Variants in CNTNAP2 observed in about 807,000 individuals in gnomAD.
The protein encoded by CNTNAP2 is contactin-associated protein-like 2.
Under a neutral mutation model 155.2 loss-of-function variants are expected in CNTNAP2, and 98 were observed. The observed-to-expected ratio is 0.63, with a 90% confidence interval of 0.54 to 0.75. The LOEUF (loss-of-function observed/expected upper bound fraction) is 0.75, where lower values mean the gene tolerates loss of function less well. Ranked by LOEUF, CNTNAP2 falls within the 30% of genes least tolerant of loss-of-function variation. The pLI, the probability that CNTNAP2 is intolerant of heterozygous loss-of-function variation, is 0.00. For synonymous variants in CNTNAP2, 651 were observed against 631.2 expected (o/e 1.03, Z -0.47); for missense variants, 1,727 against 1,688.1 (o/e 1.02, Z -0.40).
intron 13 of CNTNAP2, among the ~76,000 whole-genome samples, chr7:147,743,594 A>G (rs1796990123): frequency 6.6e-6 from 1 of 151,996 alleles, no homozygotes; most frequent in South Asian, 2.1e-4. Context: ...CGCTCTGGTA[A>G]TTGCGTTTCT....
chr7:146,733,552 C>T (rs1801562942), intron 1 of CNTNAP2, among the ~76,000 whole-genome samples: 1 of 152,010 alleles, frequency 6.6e-6, no homozygotes, highest in African/African-American at 2.4e-5. Flanking sequence ...TGAACTAGTA[C>T]AGTCTCATAT....
intron 11 of CNTNAP2, among the ~76,000 whole-genome samples, chr7:147,533,590 A>C (rs1346680940): frequency 6.6e-6 from 1 of 151,592 alleles, no homozygotes; most frequent in Non-Finnish European, 1.5e-5. Context: ...TAAAAAAATA[A>C]GCTTTATTTA....
chr7:148,344,548 C>T (rs1275066131), intron 21 of CNTNAP2, among the ~76,000 whole-genome samples: 1 of 152,170 alleles, frequency 6.6e-6, no homozygotes, highest in Non-Finnish European at 1.5e-5. Context: ...GTTGCCTGCT[C>T]TCTGCCCCCT....
chr7:146,346,111 G>A (rs1427117003), intron 1 of CNTNAP2, among the ~76,000 whole-genome samples: 3 of 152,146 alleles, frequency 2.0e-5, no homozygotes, highest in South Asian at 2.1e-4. Flanking sequence ...TAGTAAAAAC[G>A]ATAAAGAACA....
chr7:146,434,552 C>T (rs7782055), intron 1 of CNTNAP2, among the ~76,000 whole-genome samples: 5,194 of 152,150 alleles, frequency 0.034, 280 homozygotes, highest in African/African-American at 0.12. Flanking sequence ...AGTTTGCAGG[C>T]ATGATACGCT....
At chr7:147,700,416 C>G (rs1041208549) in intron 13 of CNTNAP2, among the ~76,000 whole-genome samples, 1 of 152,142 alleles carries the variant, frequency 6.6e-6, no homozygotes, top group Non-Finnish European at 1.5e-5. Flanking sequence ...CAGTCCATTC[C>G]CCTCATGATT....
At chr7:147,215,996 G>T (rs1041002002) in intron 8 of CNTNAP2, among the ~76,000 whole-genome samples, 2 of 152,038 alleles carry the variant, frequency 1.3e-5, no homozygotes, top group African/African-American at 4.8e-5. Flanking sequence ...TTTTTGAGAT[G>T]TCTGTTAAGG....
In CNTNAP2 at chr7:147,984,800, A is replaced by T. The variant is rs535397568; in HGVS notation, c.2383+6811A>T. 2.6e-5 allele frequency among the ~76,000 whole-genome samples: 4 copies of T among 152,134 alleles called. No homozygotes were observed. In the East Asian group the frequency reaches 7.8e-4, roughly 30 times the overall value. ...GTTTTGGGAGCAGGGGAGGAGAGGA[A>T]CTTCACTTTCACTGTCAAAAGGACT... On this transcript the variant is annotated intron_variant, in intron 15 of 23. Transcript: ENST00000361727.
At chr7:146,216,719 G>T (rs561337290) in intron 1 of CNTNAP2, among the ~76,000 whole-genome samples, 1 of 152,106 alleles carries the variant, frequency 6.6e-6, no homozygotes, top group Non-Finnish European at 1.5e-5. Context: ...AAACTGCCTC[G>T]CACTCTGGAG....
chr7:147,302,680 A>G (rs1222211680), intron 9 of CNTNAP2, among the ~76,000 whole-genome samples: 1 of 152,234 alleles, frequency 6.6e-6, no homozygotes, highest in Non-Finnish European at 1.5e-5. Flanking sequence ...ACAGTCTGAG[A>G]AACAGAATTA....
chr7:148,302,127 C>T (rs1273796716), intron 21 of CNTNAP2, among the ~76,000 whole-genome samples: 3 of 152,154 alleles, frequency 2.0e-5, no homozygotes, highest in East Asian at 3.9e-4. Flanking sequence ...TGACAGGCCC[C>T]GAACCTGCCC....
At chr7:147,138,272 G>A (rs1801528584) in intron 8 of CNTNAP2, among the ~76,000 whole-genome samples, 2 of 151,866 alleles carry the variant, frequency 1.3e-5, no homozygotes, top group African/African-American at 4.8e-5. Flanking sequence ...AACTGAGCTG[G>A]AAAGGAATAG....
intron 11 of CNTNAP2, among the ~76,000 whole-genome samples, chr7:147,560,235 G>C (rs147594987): frequency 6.9e-6 from 1 of 144,716 alleles, no homozygotes; most frequent in African/African-American, 2.5e-5. Context: ...TATTGCTTTA[G>C]TTTAAGTACT....
intron 15 of CNTNAP2, among the ~76,000 whole-genome samples, chr7:148,058,344 G>A (rs1415288897): frequency 1.3e-5 from 2 of 152,122 alleles, no homozygotes. Context: ...ATGCCAGTGG[G>A]GAGAAACCAT....
At chr7:146,862,283 G>A (rs1189702910) in intron 3 of CNTNAP2, among the ~76,000 whole-genome samples, 2 of 151,914 alleles carry the variant, frequency 1.3e-5, no homozygotes, top group African/African-American at 4.8e-5. Context: ...TTCCAAATAC[G>A]TTCAATTTTG....
chr7:147,402,855 T>A (rs1796940103), intron 10 of CNTNAP2, among the ~76,000 whole-genome samples: 1 of 151,890 alleles, frequency 6.6e-6, no homozygotes, highest in Non-Finnish European at 1.5e-5. Flanking sequence ...CATCATAGGA[T>A]TCCTAAGTCT....
intron 21 of CNTNAP2, among the ~76,000 whole-genome samples, chr7:148,358,292 C>A (rs932890909): frequency 1.3e-4 from 20 of 152,134 alleles, no homozygotes; most frequent in Non-Finnish European, 2.9e-4. Flanking sequence ...GGATCCTACG[C>A]AGTTTCAGAA....
In CNTNAP2 at chr7:146,781,233, A is replaced by AAC. The variant is rs796858723; in HGVS notation, c.208+6853_208+6854insCA. Among the ~76,000 whole-genome samples, 502 of 151,494 alleles carry AAC rather than the reference A, an allele frequency of 3.3e-3. 2 individuals are homozygous for AAC. The highest frequency in any genetic ancestry group is 0.011 in the African/African-American group (461 of 41,266). ...ACAGAGCGAGACTCCATCTCAAAAAAAAAAAAACAAAAAAAAAACACCCTA... is the reference window on the plus strand; with the variant it reads ...ACAGAGCGAGACTCCATCTCAAAAAAACAAAAAAACAAAAAAAAAACACCCTA... On this transcript the variant is annotated intron_variant, in intron 2 of 23. Transcript: ENST00000361727.
chr7:147,633,986 A>G (rs1448914242), intron 12 of CNTNAP2, among the ~76,000 whole-genome samples: 1 of 152,200 alleles, frequency 6.6e-6, no homozygotes, highest in Non-Finnish European at 1.5e-5. Context: ...TGAAAAGGGA[A>G]CACTTCTACA....
Sources: allele counts gnomAD v4.1 joint callset (sites outside exome capture counted in the v4.1 genomes callset), GRCh38; gene constraint gnomAD v4.1.1; transcripts MANE v1.5; gene names NCBI Gene and HGNC (gene_info 2026-07-23, HGNC 2026-07-21).